The following SAMSN1 variants were observed in gnomAD, a reference collection of about 807,000 sequenced individuals.
SAMSN1 encodes SAM domain-containing protein SAMSN-1.
In SAMSN1, 31 loss-of-function variants were observed where a neutral mutation model predicts 42.0. The observed-to-expected ratio is 0.74, with a 90% CI of 0.55 to 1.00. The LOEUF is 1.00. Ranked by LOEUF, SAMSN1 falls within the 50% of genes least tolerant of loss-of-function variation. The pLI, the probability that SAMSN1 is intolerant of heterozygous loss-of-function variation, is 0.00. For missense variants in SAMSN1, 464 were observed against 439.4 expected (o/e 1.06, Z -0.50); for synonymous variants, 178 against 151.9 (o/e 1.17, Z -1.26).
chr21:14,485,722 A>C lies in SAMSN1; in HGVS notation c.*190T>G. The stretch of plus-strand genomic sequence containing the variant: ...ACACATAGCATTTAAAATAATAAAT[A>C]TATATTTTATTGACAGTAATTTGGA... On this transcript the variant is annotated 3_prime_UTR_variant, in exon 8 of 8. Coordinates refer to ENST00000400566, the MANE Select transcript of SAMSN1 (RefSeq NM_022136.5). 2.1e-6 allele frequency: 1 copy of C among 483,238 alleles called. No individual in the cohort carries two copies. The highest frequency in any genetic ancestry group is 3.2e-5 in the South Asian group (1 of 30,894). The allele number at this position is 483,238 out of a possible 1,614,324, so 29.9% of individuals were successfully genotyped here.
At chr21:14,607,377 T>C (rs1420196335) in intron 5 of SAMSN1, among the ~76,000 whole-genome samples, 1 of 152,208 alleles carries the variant, frequency 6.6e-6, no homozygotes, top group Non-Finnish European at 1.5e-5. Context: ...CCATAAAATT[T>C]GAGCCTACAA....
intron 1 of SAMSN1, among the ~76,000 whole-genome samples, chr21:14,655,163 G>C (rs1309000919): frequency 6.6e-6 from 1 of 151,698 alleles, no homozygotes; most frequent in Non-Finnish European, 1.5e-5. Flanking sequence ...ACAAAGTCTT[G>C]AAAATGAATA....
In SAMSN1 at chr21:14,510,402, CGTCATCCAGTCGAAAGCT is replaced by C. The variant is rs1987636635; in HGVS notation, c.451_468del (p.Ser151_Asp156del). The C allele has an allele frequency of 6.2e-7, 1 of 1,614,148 alleles. No homozygotes were observed. The highest frequency in any genetic ancestry group is 1.7e-5 in the Admixed American group (1 of 60,016). On this transcript the variant is annotated inframe_deletion, in exon 5 of 8. Coordinates refer to ENST00000400566, the MANE Select transcript of SAMSN1 (RefSeq NM_022136.5). ...CAGAATGGTCCTGAATAGGGGCCAT[CGTCATCCAGTCGAAAGCT>C]GTCCCGGTTACTTGTACCATCTGAA...
At chr21:14,615,113 G>A (rs773061503) in intron 3 of SAMSN1, among the ~76,000 whole-genome samples, 124 of 152,134 alleles carry the variant, frequency 8.2e-4, no homozygotes, top group Non-Finnish European at 1.6e-3. Flanking sequence ...TGGCGATAAG[G>A]CTGAGAAAGG....
At chr21:14,624,039 C>T (rs1473500920) in intron 2 of SAMSN1, among the ~76,000 whole-genome samples, 6 of 152,072 alleles carry the variant, frequency 3.9e-5, no homozygotes, top group Non-Finnish European at 5.9e-5. Flanking sequence ...GGGTACACAA[C>T]GAAATGAAGG....
intron 7 of SAMSN1, among the ~76,000 whole-genome samples, chr21:14,589,540 A>G (rs915679878): frequency 1.3e-5 from 2 of 152,124 alleles, no homozygotes; most frequent in African/African-American, 2.4e-5. Context: ...TTAAGAAGGA[A>G]ATATATAAAT....
At chr21:14,493,900 T>A (rs772635031) in intron 7 of SAMSN1, among the ~76,000 whole-genome samples, 1 of 152,082 alleles carries the variant, frequency 6.6e-6, no homozygotes, top group Non-Finnish European at 1.5e-5. Flanking sequence ...AACCCCAGGG[T>A]GGTTATCCTC....
intron 2 of SAMSN1, among the ~76,000 whole-genome samples, chr21:14,640,267 ATTT>A (rs962239167): frequency 2.0e-5 from 3 of 152,140 alleles, no homozygotes; most frequent in African/African-American, 4.8e-5. Flanking sequence ...AACTGACATT[ATTT>A]TTATTATGGG....
intron 2 of SAMSN1, among the ~76,000 whole-genome samples, chr21:14,636,759 G>C (rs943110268): frequency 3.3e-5 from 5 of 152,072 alleles, no homozygotes; most frequent in Non-Finnish European, 5.9e-5. Context: ...TGAGGCGGTG[G>C]CGGGGTTGGG....
At chr21:14,510,561 G>T in intron 4 of SAMSN1, 100 bp from the exon 5 acceptor site, 1 of 1,353,742 alleles carries the variant, frequency 7.4e-7, no homozygotes, top group Non-Finnish European at 1.0e-6. Flanking sequence ...AACACTGGAT[G>T]CCAGGCTCCT....
In SAMSN1 at chr21:14,524,312, C is replaced by A. The variant is rs371887797; in HGVS notation, c.58-3091G>T. On this transcript the variant is annotated intron_variant, in intron 1 of 7. Transcript: ENST00000400566. ...GTTTATATAATTGTAATGTATTAGA[C>A]TTAGTAAATATTATCTTATGACAGA... Among the ~76,000 whole-genome samples, 13 of 152,096 alleles carry A rather than the reference C, an allele frequency of 8.5e-5. No individual in the cohort carries two copies. The East Asian group carries it at 2.1e-3, about 25-fold the overall frequency.
chr21:14,527,388 T>G (rs1978932233), intron 1 of SAMSN1, among the ~76,000 whole-genome samples: 1 of 152,166 alleles, frequency 6.6e-6, no homozygotes, highest in South Asian at 2.1e-4. Flanking sequence ...TGGAATACAC[T>G]TCTGTGGGGT....
At chr21:14,582,377 G>A (rs1336252184) in exon 2 of SAMSN1, 1 of 1,549,946 alleles carries the variant, frequency 6.5e-7, no homozygotes, top group Non-Finnish European at 8.7e-7. Flanking sequence ...TGCAGAAAGA[G>A]TATCCAATCT....
intron 2 of SAMSN1, among the ~76,000 whole-genome samples, chr21:14,581,746 T>TA (rs370411193): frequency 2.6e-5 from 4 of 152,130 alleles, no homozygotes; most frequent in African/African-American, 9.7e-5. Context: ...ATAATACATA[T>TA]AAAATGCTTA....
At chr21:14,651,714 A>T (rs552518821) in intron 1 of SAMSN1, among the ~76,000 whole-genome samples, 123 of 152,158 alleles carry the variant, frequency 8.1e-4, no homozygotes, top group Non-Finnish European at 1.2e-3. Flanking sequence ...TGGCATCCAA[A>T]TTAGAAATGA....
chr21:14,609,662 A>T lies in SAMSN1; in HGVS notation c.236-94T>A, dbSNP rs1005003423. ...GAAATCAAAACAAGTTCAGCACAGGATTTGCAACTTGGTAAGTGGTATCTT... is the reference window on the plus strand; with the variant it reads ...GAAATCAAAACAAGTTCAGCACAGGTTTTGCAACTTGGTAAGTGGTATCTT... On this transcript the variant is annotated intron_variant, in intron 4 of 15. Transcript: ENST00000647101. The T allele has an allele frequency of 8.6e-6, 6 of 695,838 alleles. No homozygotes were observed. The African/African-American group carries it at 1.1e-4, about 12-fold the overall frequency. The allele number at this position is 695,838 out of a possible 1,614,324, so 43.1% of individuals were successfully genotyped here. A position where few individuals can be genotyped will look rare whatever the true frequency, so the allele number is the denominator to read the frequency against.
intron 5 of SAMSN1, among the ~76,000 whole-genome samples, chr21:14,504,330 G>A (rs1282171370): frequency 6.6e-6 from 1 of 152,162 alleles, no homozygotes; most frequent in Non-Finnish European, 1.5e-5. Flanking sequence ...GAAAGGTGAA[G>A]CGCAAGGTAA....
At chr21:14,592,193 A>G (rs1982105990) in intron 7 of SAMSN1, 1 of 152,176 alleles carries the variant, frequency 6.6e-6, no homozygotes, top group Non-Finnish European at 1.5e-5. Context: ...AGTTTCTAGA[A>G]CTACTCATAA....
At chr21:14,492,815 C>T (rs993054338) in intron 7 of SAMSN1, among the ~76,000 whole-genome samples, 5 of 152,204 alleles carry the variant, frequency 3.3e-5, no homozygotes, top group Non-Finnish European at 7.3e-5. Context: ...GGGCAAACAA[C>T]TATGACTATA....
Sources: gnomAD v4.1 joint callset for allele counts (sites outside exome capture counted in the v4.1 genomes callset) on GRCh38, gnomAD v4.1.1 for gene constraint, MANE v1.5 for transcripts, NCBI Gene and HGNC (gene_info 2026-07-23, HGNC 2026-07-21) for gene names.